Variants in HSPA12A observed in about 807,000 individuals in gnomAD.
HSPA12A encodes heat shock 70 kDa protein 12A.
HSPA12A carries 28 observed loss-of-function variants against 69.2 expected under a neutral mutation model. That is an observed-to-expected ratio of 0.40 (90% CI 0.30 to 0.55). The LOEUF (loss-of-function observed/expected upper bound fraction) is 0.55, where lower values mean the gene tolerates loss of function less well. Ranked by LOEUF, HSPA12A falls within the 20% of genes least tolerant of loss-of-function variation. The pLI is 0.38. For synonymous variants in HSPA12A, 345 were observed against 370.5 expected, an observed-to-expected ratio of 0.93 and a Z score of 0.79; for missense variants, 686 against 900.7, an observed-to-expected ratio of 0.76 and a Z score of 3.05.
intron 1 of HSPA12A, among the ~76,000 whole-genome samples, chr10:116,730,119 G>T (rs1158874373): frequency 6.6e-6 from 1 of 152,208 alleles, no homozygotes; most frequent in Non-Finnish European, 1.5e-5. Context: ...GGAGGCAGAG[G>T]TTGCAGTAAG....
chr10:116,790,123 A>G (rs1456601356), intron 2 of HSPA12A, among the ~76,000 whole-genome samples: 1 of 106,812 alleles, frequency 9.4e-6, no homozygotes, highest in Non-Finnish European at 1.8e-5. Context: ...TTTTTTTGAG[A>G]CAGAGTCTCG....
intron 5 of HSPA12A, among the ~76,000 whole-genome samples, chr10:116,693,499 C>T (rs1310617271): frequency 6.6e-6 from 1 of 152,154 alleles, no homozygotes; most frequent in Admixed American, 6.6e-5. Flanking sequence ...CTGATAAATG[C>T]CAGTTCTTTC....
At position 116,675,830 on chromosome 10, in the gene HSPA12A, G is replaced by A. The variant is rs1193353128; in HGVS notation, c.1391-412C>T. 2.6e-4 allele frequency among the ~76,000 whole-genome samples: 40 copies of A among 152,192 alleles called. No homozygotes were observed. The highest frequency in any genetic ancestry group is 8.9e-4 in the African/African-American group (37 of 41,456). ...CTAGAGAGTCTGATTTGGTAGGCGG[G>A]GGACAGGATACTGAAAGAGGTCCTG... On this transcript the variant is annotated intron_variant, in intron 11 of 11. Transcript: ENST00000369209. The surrounding 1 kb of genome is among the most constrained non-coding windows in gnomAD (Gnocchi z 5.2).
chr10:116,795,235 T>C (rs1054872562), intron 2 of HSPA12A, among the ~76,000 whole-genome samples: 1 of 152,184 alleles, frequency 6.6e-6, no homozygotes, highest in African/African-American at 2.4e-5. Flanking sequence ...CCAAACATGC[T>C]AGGCTGTCTT....
chr10:116,697,282 C>G (rs781837635), intron 5 of HSPA12A, among the ~76,000 whole-genome samples: 1 of 152,156 alleles, frequency 6.6e-6, no homozygotes, highest in Non-Finnish European at 1.5e-5. Flanking sequence ...ATCATCTGAT[C>G]CCCACCCACT....
rs1309069491 is a variant in HSPA12A at position 116,710,678 on chromosome 10, T to C, written c.41-3393A>G. 6.6e-6 allele frequency among the ~76,000 whole-genome samples: 1 copy of C among 152,178 alleles called. No individual in the cohort carries two copies. Among genetic ancestry groups the C allele is most frequent in the Non-Finnish European group, 1.5e-5 (1 of 68,036 alleles). Reference sequence around the variant, plus strand: ...AAAATTCAGCTACACTGTGCAATGATTGAAAACTGATCTGCACAGAAGGTA... The same window carrying C: ...AAAATTCAGCTACACTGTGCAATGACTGAAAACTGATCTGCACAGAAGGTA... On this transcript the variant is annotated intron_variant, in intron 1 of 11. Transcript: ENST00000369209. This position sits in a 1 kb window ranked among gnomAD's most constrained non-coding sequence, Gnocchi z 4.1.
chr10:116,801,674 C>T (rs1449176843), intron 2 of HSPA12A, among the ~76,000 whole-genome samples: 1 of 151,886 alleles, frequency 6.6e-6, no homozygotes, highest in Non-Finnish European at 1.5e-5. Context: ...AAACCTAATA[C>T]GTGGTAAGTT....
At chr10:116,827,286 G>C (rs926268178) in intron 2 of HSPA12A, among the ~76,000 whole-genome samples, 23 of 152,144 alleles carry the variant, frequency 1.5e-4, no homozygotes, top group Admixed American at 4.6e-4. Flanking sequence ...CTTCCTCAAG[G>C]GGGAGCCTCA....
In HSPA12A at chr10:116,783,290, T is replaced by C. The variant is rs782328015; in HGVS notation, c.91+51645A>G. ...ACGTTGGAGACATGTCTGGAAGAAT[T>C]TGGAGGAGTCAGTGGCAGAGGAGCC... On this transcript the variant is annotated intron_variant, in intron 2 of 12. Transcript: ENST00000635765. Among the ~76,000 whole-genome samples the C allele has an allele frequency of 1.3e-4, 20 of 151,992 alleles. No individual in the cohort carries two copies. The South Asian group carries it at 1.5e-3, about 11-fold the overall frequency.
chr10:116,703,405 G>A (rs1391124338), intron 3 of HSPA12A, among the ~76,000 whole-genome samples: 1 of 151,968 alleles, frequency 6.6e-6, no homozygotes, highest in Non-Finnish European at 1.5e-5. Context: ...GTGGTGGTAT[G>A]CACCTGTAGT....
chr10:116,804,169 G>C (rs567260968), intron 2 of HSPA12A, among the ~76,000 whole-genome samples: 1 of 151,980 alleles, frequency 6.6e-6, no homozygotes, highest in African/African-American at 2.4e-5. Flanking sequence ...AACGATGCAC[G>C]CATTTTCTTA....
intron 5 of HSPA12A, among the ~76,000 whole-genome samples, chr10:116,692,943 G>C (rs782487200): frequency 9.2e-5 from 14 of 152,140 alleles, no homozygotes; most frequent in Non-Finnish European, 1.3e-4. Flanking sequence ...GTTAGGAAGG[G>C]AGTCTCACTG....
chr10:116,770,705 C>T (rs1027398272), intron 2 of HSPA12A, among the ~76,000 whole-genome samples: 3 of 152,186 alleles, frequency 2.0e-5, no homozygotes, highest in Admixed American at 1.3e-4. Context: ...CATCTCTCCT[C>T]CAACCTCCTG....
At chr10:116,829,272 T>C (rs986858489) in intron 2 of HSPA12A, 1 of 152,834 alleles carries the variant, frequency 6.5e-6, no homozygotes, top group African/African-American at 2.4e-5. Flanking sequence ...CCCTTTGCTC[T>C]TCCTTCATCT....
At chr10:116,824,067 C>T (rs1247850126) in intron 2 of HSPA12A, among the ~76,000 whole-genome samples, 1 of 152,106 alleles carries the variant, frequency 6.6e-6, no homozygotes, top group Non-Finnish European at 1.5e-5. Flanking sequence ...AATAAAAAGA[C>T]ATAACCCAAT....
chr10:116,849,543 C>T (rs961937730), intron 1 of HSPA12A: 4 of 1,508,324 alleles, frequency 2.7e-6, no homozygotes, highest in East Asian at 5.0e-5. Context: ...GGCTAAACCC[C>T]GCTGTAGCCT....
intron 2 of HSPA12A, among the ~76,000 whole-genome samples, chr10:116,748,932 A>T (rs2133082565): frequency 6.6e-6 from 1 of 152,190 alleles, no homozygotes; most frequent in African/African-American, 2.4e-5. Flanking sequence ...GGGAGCTGGG[A>T]CCAGTCACTT....
intron 4 of HSPA12A, among the ~76,000 whole-genome samples, chr10:116,700,601 A>T (rs1554881500): frequency 6.6e-6 from 1 of 152,148 alleles, no homozygotes; most frequent in East Asian, 1.9e-4. Flanking sequence ...AATAATCCAG[A>T]AACTAAAGGG....
upstream of HSPA12A, among the ~76,000 whole-genome samples, chr10:116,747,475 CAAG>C (rs1188810223): frequency 6.6e-6 from 1 of 152,166 alleles, no homozygotes; most frequent in Non-Finnish European, 1.5e-5. Flanking sequence ...AGCCACATCT[CAAG>C]GAGGACAATG....
Sources: allele counts gnomAD v4.1 joint callset (sites outside exome capture counted in the v4.1 genomes callset), GRCh38; gene constraint gnomAD v4.1.1; non-coding constraint Gnocchi (gnomAD v3.1); transcripts MANE v1.5; gene names NCBI Gene and HGNC (gene_info 2026-07-23, HGNC 2026-07-21).